KCTD1: variants seen among roughly 807,000 people sequenced by gnomAD.
KCTD1 encodes potassium channel tetramerization domain containing 1.
Under a neutral mutation model 66.0 loss-of-function variants are expected in KCTD1, and 24 were observed. That is an observed-to-expected ratio of 0.36 (90% confidence interval 0.26 to 0.51). The LOEUF (loss-of-function observed/expected upper bound fraction) is 0.51. Among genes scored for constraint, KCTD1 ranks in the 20% least tolerant of loss-of-function variants. The pLI, the probability that KCTD1 is intolerant of heterozygous loss-of-function variation, is 0.95. For synonymous variants in KCTD1, 511 were observed against 517.2 expected (o/e 0.99, Z 0.16); for missense variants, 943 against 1,205.2 (o/e 0.78, Z 3.22).
intron 1 of KCTD1, chr18:26,655,757 A>C (rs528429582): frequency 3.9e-5 from 6 of 152,332 alleles, no homozygotes; most frequent in African/African-American, 1.4e-4. Flanking sequence ...AAGTGTTCGA[A>C]AGCACAAAGG....
chr18:26,455,686 T>C lies in KCTD1; in HGVS notation c.*57A>G. On this transcript the variant is annotated 3_prime_UTR_variant, in exon 5 of 5. Coordinates refer to ENST00000580059, the MANE Select transcript of KCTD1 (RefSeq NM_001142730.3). ...TCCCAACTGCACATAAATGTCCCTT[T>C]TTTGTTTGAGTTATTGGTTGTGTGT... The C allele has an allele frequency of 6.2e-7, 1 of 1,610,046 alleles. No homozygotes were observed. The highest frequency in any genetic ancestry group is 8.5e-7 in the Non-Finnish European group (1 of 1,178,402).
At chr18:26,606,620 C>G (rs1215585147) in intron 1 of KCTD1, among the ~76,000 whole-genome samples, 1 of 152,202 alleles carries the variant, frequency 6.6e-6, no homozygotes, top group Non-Finnish European at 1.5e-5. Context: ...CTGGCCTAGC[C>G]TGCTAGATGA....
At chr18:26,459,260 C>T in intron 4 of KCTD1, 1 of 206,768 alleles carries the variant, frequency 4.8e-6, no homozygotes, top group Non-Finnish European at 9.8e-6. Context: ...CAGAGCTGTC[C>T]ATCGTGTTCT....
chr18:26,502,135 C>T (rs959214283), intron 1 of KCTD1, among the ~76,000 whole-genome samples: 4 of 152,186 alleles, frequency 2.6e-5, no homozygotes, highest in African/African-American at 4.8e-5. Context: ...CTGCCAGCTC[C>T]GCCTCCTGGG....
chr18:26,646,888 G>A (rs1987934857), intron 1 of KCTD1, among the ~76,000 whole-genome samples: 1 of 151,854 alleles, frequency 6.6e-6, no homozygotes. Context: ...GGTTTAATGG[G>A]AAGAAAAAAA....
Position 26,468,205 on chromosome 18 carries a change from G to T in KCTD1, c.2134-8280C>A, listed in dbSNP as rs1035397714. Among the ~76,000 whole-genome samples, 2 of 152,210 alleles carry T rather than the reference G, an allele frequency of 1.3e-5. No homozygotes were observed. The highest frequency in any genetic ancestry group is 2.9e-5 in the Non-Finnish European group (2 of 68,038). On this transcript the variant is annotated intron_variant, in intron 3 of 4. Coordinates refer to ENST00000580059, the MANE Select transcript of KCTD1 (RefSeq NM_001142730.3). This position sits in a 1 kb window ranked among gnomAD's most constrained non-coding sequence, Gnocchi z 4.8. ...AATTGGAGGGAGGGGAAAATTAAGG[G>T]AAGAGGGACAGTCATATCCATAATA...
chr18:26,568,769 A>G (rs944280139), intron 1 of KCTD1, among the ~76,000 whole-genome samples: 3 of 152,210 alleles, frequency 2.0e-5, no homozygotes, highest in South Asian at 2.1e-4. Context: ...TACTTTTGAT[A>G]CCCAGCTTTG....
At chr18:26,523,351 T>C (rs967854846) in intron 1 of KCTD1, among the ~76,000 whole-genome samples, 2 of 152,236 alleles carry the variant, frequency 1.3e-5, no homozygotes, top group African/African-American at 4.8e-5. Flanking sequence ...AGTGACTTAC[T>C]TTCTGCATGA....
intron 2 of KCTD1, among the ~76,000 whole-genome samples, chr18:26,490,877 C>T (rs1050733193): frequency 6.6e-6 from 1 of 151,848 alleles, no homozygotes; most frequent in African/African-American, 2.4e-5. Flanking sequence ...CTCAGCCTCC[C>T]GAGTAGCTGG....
intron 1 of KCTD1, among the ~76,000 whole-genome samples, chr18:26,603,751 AAAATAAAT>A (rs71266966): frequency 0.31 from 45,968 of 146,406 alleles, 7,682 homozygotes; most frequent in East Asian, 0.52. Flanking sequence ...TCAAAAAAAT[AAAATAAAT>A]AAATAAATAA....
At chr18:26,471,906 C>T (rs575037933) in intron 3 of KCTD1, among the ~76,000 whole-genome samples, 1 of 152,178 alleles carries the variant, frequency 6.6e-6, no homozygotes, top group East Asian at 1.9e-4. Flanking sequence ...AGCTGCTGGG[C>T]CTTGGGCTAG....
At chr18:26,581,517 C>T (rs78179780) in intron 1 of KCTD1, 1 of 152,388 alleles carries the variant, frequency 6.6e-6, no homozygotes, top group East Asian at 1.9e-4. Context: ...CTCAGCCTCC[C>T]AAAGTGCTAG....
intron 1 of KCTD1, chr18:26,599,528 G>C: frequency 6.4e-7 from 1 of 1,553,636 alleles, no homozygotes; most frequent in East Asian, 2.2e-5. Context: ...TGAGGGCCGT[G>C]GGTCTGTGGA....
intron 2 of KCTD1, among the ~76,000 whole-genome samples, chr18:26,489,339 G>A (rs1037389207): frequency 2.0e-5 from 3 of 152,156 alleles, no homozygotes; most frequent in Non-Finnish European, 2.9e-5. Context: ...CATAGCTCAC[G>A]TTTCAGTGAT....
At chr18:26,488,752 C>T (rs1304011478) in intron 2 of KCTD1, among the ~76,000 whole-genome samples, 1 of 152,062 alleles carries the variant, frequency 6.6e-6, no homozygotes, top group Admixed American at 6.5e-5. Context: ...ATAATCATTA[C>T]CACCAGAAAA....
chr18:26,645,504 G>A (rs975439731), intron 1 of KCTD1, among the ~76,000 whole-genome samples: 3 of 152,180 alleles, frequency 2.0e-5, no homozygotes, highest in Non-Finnish European at 4.4e-5. Context: ...TTGGGCTCAA[G>A]CAATCCTCCT....
intron 3 of KCTD1, among the ~76,000 whole-genome samples, chr18:26,473,737 T>C (rs2144593163): frequency 6.6e-6 from 1 of 152,202 alleles, no homozygotes; most frequent in African/African-American, 2.4e-5. Context: ...CTCAGTGCGG[T>C]GAGATGCACG....
At chr18:26,561,864 C>G (rs1985858730) in intron 1 of KCTD1, among the ~76,000 whole-genome samples, 1 of 152,158 alleles carries the variant, frequency 6.6e-6, no homozygotes, top group Non-Finnish European at 1.5e-5. Context: ...CAGCCCAGTC[C>G]CGTGCTGGCG....
exon 1 of KCTD1, chr18:26,629,179 A>C (rs1326109429): frequency 1.0e-6 from 1 of 985,300 alleles, no homozygotes; most frequent in East Asian, 1.1e-4. Flanking sequence ...ATTCATCTGC[A>C]CCCTCCGTCC....
Sources: gnomAD v4.1 joint callset for allele counts (sites outside exome capture counted in the v4.1 genomes callset) on GRCh38, gnomAD v4.1.1 for gene constraint, Gnocchi (gnomAD v3.1) non-coding constraint, MANE v1.5 for transcripts, NCBI Gene and HGNC (gene_info 2026-07-23, HGNC 2026-07-21) for gene names.